ANXA4: variants seen among roughly 807,000 people sequenced by gnomAD.
The protein encoded by ANXA4 is annexin A4, also known as 35-beta calcimedin.
Under a neutral mutation model 49.8 loss-of-function variants are expected in ANXA4, and 39 were observed. The ratio of observed to expected loss-of-function variants is 0.78; its 90% CI spans 0.61 to 1.02. ANXA4 has a LOEUF of 1.02. ANXA4 is among the 50% of genes least tolerant of loss of function. The pLI, the probability that ANXA4 is intolerant of heterozygous loss-of-function variation, is 0.00. For missense variants in ANXA4, 360 were observed against 410.1 expected, an observed-to-expected ratio of 0.88 and a Z score of 1.05; for synonymous variants, 134 against 152.5, an observed-to-expected ratio of 0.88 and a Z score of 0.89.
chr2:69,657,727 G>A (rs867218563), intron 2 of ANXA4, among the ~76,000 whole-genome samples: 39 of 152,020 alleles, frequency 2.6e-4, no homozygotes, highest in African/African-American at 8.7e-4. Flanking sequence ...TTTTCTTCTG[G>A]ATTGATTTAT....
At chr2:69,805,369 C>T (rs904185162) in intron 4 of ANXA4, among the ~76,000 whole-genome samples, 4 of 151,814 alleles carry the variant, frequency 2.6e-5, no homozygotes, top group Admixed American at 6.6e-5. Flanking sequence ...TTTGGGAGGC[C>T]GAGGCGAGTG....
intron 2 of ANXA4, among the ~76,000 whole-genome samples, chr2:69,690,787 G>A (rs1677938028): frequency 6.6e-6 from 1 of 152,162 alleles, no homozygotes; most frequent in Non-Finnish European, 1.5e-5. Flanking sequence ...TCTCTCCTGA[G>A]TAACAAGAGG....
intron 2 of ANXA4, among the ~76,000 whole-genome samples, chr2:69,709,090 T>G (rs750586741): frequency 1.3e-5 from 2 of 152,200 alleles, no homozygotes; most frequent in Non-Finnish European, 2.9e-5. Flanking sequence ...AACATGTTGC[T>G]TTAAGAAATT....
chr2:69,679,907 A>ATTGTAATATG (rs1483043227), intron 2 of ANXA4, among the ~76,000 whole-genome samples: 6 of 152,110 alleles, frequency 3.9e-5, no homozygotes, highest in Non-Finnish European at 1.5e-5. Context: ...CTATGCTATA[A>ATTGTAATATG]CCTTGTAATA....
intron 12 of ANXA4, among the ~76,000 whole-genome samples, chr2:69,824,104 T>C (rs1674357914): frequency 6.6e-6 from 1 of 151,796 alleles, no homozygotes; most frequent in South Asian, 2.1e-4. Context: ...AATAAATAAA[T>C]AAAATTAAAG....
chr2:69,777,504 C>G (rs987102781), intron 1 of ANXA4, among the ~76,000 whole-genome samples: 1 of 152,136 alleles, frequency 6.6e-6, no homozygotes, highest in South Asian at 2.1e-4. Flanking sequence ...CCTTATTGTT[C>G]TTATCGCTTA....
chr2:69,798,497 G>A (rs1002695980), intron 3 of ANXA4, among the ~76,000 whole-genome samples: 1 of 149,958 alleles, frequency 6.7e-6, no homozygotes, highest in East Asian at 1.9e-4. Flanking sequence ...ATAACACCAG[G>A]GTGTGGCCCT....
chr2:69,725,936 CT>C (rs959902202), intron 3 of ANXA4, among the ~76,000 whole-genome samples: 2 of 151,984 alleles, frequency 1.3e-5, no homozygotes, highest in African/African-American at 2.4e-5. Flanking sequence ...GTTCTTGTGA[CT>C]TTTTTTTCAC....
chr2:69,825,396 T>G (rs1019506352), intron 12 of ANXA4, 60 bp from the exon 13 acceptor site: 50 of 1,451,608 alleles, frequency 3.4e-5, no homozygotes, highest in Non-Finnish European at 5.7e-6. Flanking sequence ...CTTAGATGAC[T>G]TTGAACTGTG....
chr2:69,769,970 C>T (rs1671646148), intron 1 of ANXA4, among the ~76,000 whole-genome samples: 1 of 152,176 alleles, frequency 6.6e-6, no homozygotes, highest in Non-Finnish European at 1.5e-5. Flanking sequence ...GCCTAAGATA[C>T]ATGTTTTTTA....
At chr2:69,736,073 G>A (rs1466992435) in intron 3 of ANXA4, among the ~76,000 whole-genome samples, 1 of 152,140 alleles carries the variant, frequency 6.6e-6, no homozygotes, top group Non-Finnish European at 1.5e-5. Flanking sequence ...AGAGCTAACC[G>A]ATGCCTAGAG....
intron 6 of ANXA4, chr2:69,809,250 T>C (rs1283241670): frequency 6.6e-6 from 1 of 152,172 alleles, no homozygotes; most frequent in African/African-American, 2.4e-5. Context: ...GTGGTCAACA[T>C]GTGTTACCTT....
At chr2:69,702,053 C>A (rs988450917) in intron 2 of ANXA4, among the ~76,000 whole-genome samples, 5 of 151,816 alleles carry the variant, frequency 3.3e-5, no homozygotes, top group Non-Finnish European at 7.4e-5. Flanking sequence ...ACTCTGTCAC[C>A]CAGGCTGGAA....
At chr2:69,733,556 G>A (rs1325248121) in intron 3 of ANXA4, among the ~76,000 whole-genome samples, 1 of 151,428 alleles carries the variant, frequency 6.6e-6, no homozygotes. Context: ...AGACTTCAGT[G>A]AGCAGTGATT....
intron 1 of ANXA4, among the ~76,000 whole-genome samples, chr2:69,772,220 C>G (rs1277576888): frequency 6.6e-6 from 1 of 152,226 alleles, no homozygotes; most frequent in African/African-American, 2.4e-5. Context: ...ATTATTTCGC[C>G]CCATCTGTGA....
At chr2:69,682,742 A>G (rs1238627533) in intron 2 of ANXA4, among the ~76,000 whole-genome samples, 1 of 152,210 alleles carries the variant, frequency 6.6e-6, no homozygotes, top group Non-Finnish European at 1.5e-5. Context: ...AAAGAGATGA[A>G]TGACATCATT....
chr2:69,651,800 CTTT>C (rs78927191), intron 1 of ANXA4, among the ~76,000 whole-genome samples: 3 of 56,662 alleles, frequency 5.3e-5, no homozygotes, highest in Non-Finnish European at 3.2e-5. Context: ...CCGCGCCCGG[CTTT>C]TTTTTTTTTT....
intron 1 of ANXA4, among the ~76,000 whole-genome samples, chr2:69,779,864 C>G (rs771054593): frequency 6.6e-6 from 1 of 152,170 alleles, no homozygotes; most frequent in South Asian, 2.1e-4. Flanking sequence ...GCAGCTCATT[C>G]CCACCTCTGT....
At chr2:69,701,610 A>G (rs1007850595) in intron 2 of ANXA4, among the ~76,000 whole-genome samples, 1 of 152,234 alleles carries the variant, frequency 6.6e-6, no homozygotes, top group Non-Finnish European at 1.5e-5. Flanking sequence ...GCAGACAGAT[A>G]TGCTGAAATT....
Sources: allele counts gnomAD v4.1 joint callset (sites outside exome capture counted in the v4.1 genomes callset), GRCh38; gene constraint gnomAD v4.1.1; transcripts MANE v1.5; gene names NCBI Gene and HGNC (gene_info 2026-07-23, HGNC 2026-07-21).